RBFOX1: variants seen among roughly 807,000 people sequenced by gnomAD.
RBFOX1 encodes RNA binding protein fox-1 homolog 1.
A neutral mutation model predicts 57.7 loss-of-function variants in RBFOX1; 8 were observed. That is an observed-to-expected ratio of 0.14 (90% CI 0.08 to 0.25). RBFOX1 has a LOEUF of 0.25. RBFOX1 is among the 10% of genes least tolerant of loss of function. The pLI is 1.00. For synonymous variants in RBFOX1, 326 were observed against 222.4 expected (o/e 1.47, Z -4.15); for missense variants, 611 against 548.5 (o/e 1.11, Z -1.14).
intron 1 of RBFOX1, among the ~76,000 whole-genome samples, chr16:5,400,178 G>C (rs977296102): frequency 2.0e-5 from 3 of 151,142 alleles, no homozygotes; most frequent in Admixed American, 6.6e-5. Context: ...TGCAACCTCT[G>C]CCTCCCGGGT....
chr16:6,757,797 G>C (rs2154196214), intron 3 of RBFOX1, among the ~76,000 whole-genome samples: 1 of 152,262 alleles, frequency 6.6e-6, no homozygotes, highest in East Asian at 1.9e-4. Context: ...GAAAAGATTT[G>C]AAATGTCTCC....
intron 3 of RBFOX1, among the ~76,000 whole-genome samples, chr16:6,707,063 A>C (rs951927100): frequency 6.6e-6 from 1 of 152,186 alleles, no homozygotes; most frequent in East Asian, 1.9e-4. Context: ...CACTGTCATC[A>C]TTTTGGTATA....
At chr16:6,168,294 C>T (rs907218567) in intron 1 of RBFOX1, among the ~76,000 whole-genome samples, 3 of 152,140 alleles carry the variant, frequency 2.0e-5, no homozygotes, top group Non-Finnish European at 4.4e-5. Context: ...CCCCAGTGGG[C>T]GATTTTTTGG....
At chr16:7,395,438 C>G (rs189815344) in intron 4 of RBFOX1, among the ~76,000 whole-genome samples, 42 of 152,270 alleles carry the variant, frequency 2.8e-4, no homozygotes, top group African/African-American at 8.9e-4. Context: ...ACTGTGGAGC[C>G]AGAAGTATTG....
At chr16:6,760,600 A>G (rs2076463904) in intron 3 of RBFOX1, among the ~76,000 whole-genome samples, 2 of 152,208 alleles carry the variant, frequency 1.3e-5, no homozygotes, top group Non-Finnish European at 2.9e-5. Flanking sequence ...TTGCGTTGGT[A>G]GACTGACTTG....
chr16:7,565,394 A>C (rs913000288), intron 5 of RBFOX1, among the ~76,000 whole-genome samples: 5 of 152,196 alleles, frequency 3.3e-5, no homozygotes, highest in African/African-American at 9.7e-5. Flanking sequence ...TTACAAATCA[A>C]ATCAAATAGG....
At chr16:7,403,565 C>A in intron 4 of RBFOX1, among the ~76,000 whole-genome samples, 2 of 129,592 alleles carry the variant, frequency 1.5e-5, no homozygotes, top group African/African-American at 2.8e-5. Context: ...GAGAGAATCC[C>A]CCCCCCCCCA....
At chr16:7,394,235 CAAAAAAAA>C (rs59934126) in intron 4 of RBFOX1, among the ~76,000 whole-genome samples, 92 of 55,026 alleles carry the variant, frequency 1.7e-3, no homozygotes, top group South Asian at 1.8e-3. Flanking sequence ...GACTCCGCAT[CAAAAAAAA>C]AAAAAAAAAA....
At chr16:7,701,246 C>G (rs2080597787) in intron 14 of RBFOX1, among the ~76,000 whole-genome samples, 1 of 145,570 alleles carries the variant, frequency 6.9e-6, no homozygotes, top group Non-Finnish European at 1.5e-5. Context: ...GACTTTGCTG[C>G]ATTTTTAGTC....
intron 3 of RBFOX1, among the ~76,000 whole-genome samples, chr16:6,883,681 C>T (rs891184268): frequency 1.3e-5 from 2 of 152,176 alleles, no homozygotes; most frequent in African/African-American, 4.8e-5. Flanking sequence ...TTGCCTCCCA[C>T]ATCCAGGCTG....
intron 1 of RBFOX1, among the ~76,000 whole-genome samples, chr16:5,332,346 C>A (rs2151276623): frequency 6.6e-6 from 1 of 152,246 alleles, no homozygotes; most frequent in Middle Eastern, 3.4e-3. Context: ...CGACTCATTG[C>A]AACCTCTGCT....
chr16:7,087,228 T>C (rs2060126714), intron 4 of RBFOX1, among the ~76,000 whole-genome samples: 1 of 152,068 alleles, frequency 6.6e-6, no homozygotes, highest in Admixed American at 6.6e-5. Flanking sequence ...TTAAAAAAAT[T>C]CTCAGATGCT....
intron 1 of RBFOX1, among the ~76,000 whole-genome samples, chr16:6,276,002 G>C (rs565833402): frequency 1.3e-5 from 2 of 152,256 alleles, no homozygotes; most frequent in South Asian, 2.1e-4. Flanking sequence ...GCAGGTGTTG[G>C]ATTATTATAA....
At chr16:6,649,511 C>G (rs2098559286) in intron 2 of RBFOX1, among the ~76,000 whole-genome samples, 2 of 152,174 alleles carry the variant, frequency 1.3e-5, no homozygotes, top group African/African-American at 4.8e-5. Flanking sequence ...TTATCCCTCA[C>G]CACTCCCCGA....
rs1165644063 is a variant in RBFOX1 at position 6,773,586 on chromosome 16, T to G, written c.-16+118936T>G. 1.1e-3 allele frequency among the ~76,000 whole-genome samples: 92 copies of G among 87,156 alleles called. 1 individual carries two copies. Among genetic ancestry groups the G allele is most frequent in the African/African-American group, 8.1e-3 (89 of 10,960 alleles). 57.2% of individuals were successfully genotyped at this position (87,156 alleles called of 152,430 possible). A position where few individuals can be genotyped will look rare whatever the true frequency, so the allele number is the denominator to read the frequency against. On this transcript the variant is annotated intron_variant, in intron 3 of 15. Transcript: ENST00000550418. ...TGTATGTGTGGGTGTGGGGTGCATT[T>G]GTGTGTGTGTGTGTGTATGTGCATG...
intron 3 of RBFOX1, among the ~76,000 whole-genome samples, chr16:5,706,281 A>C (rs903194724): frequency 6.6e-6 from 1 of 152,106 alleles, no homozygotes; most frequent in Non-Finnish European, 1.5e-5. Context: ...ACAGGTGAGG[A>C]ATTTGGCCAG....
At chr16:6,001,966 A>AG (rs2060607443) in intron 4 of RBFOX1, among the ~76,000 whole-genome samples, 1 of 137,636 alleles carries the variant, frequency 7.3e-6, no homozygotes, top group Non-Finnish European at 1.5e-5. Context: ...TAGCTCTTAA[A>AG]CCTTTTTTTT....
intron 4 of RBFOX1, among the ~76,000 whole-genome samples, chr16:7,234,763 A>G (rs1447661456): frequency 6.6e-6 from 1 of 151,730 alleles, no homozygotes; most frequent in Non-Finnish European, 1.5e-5. Context: ...CGGAGAAGTC[A>G]GAAATGGGTA....
intron 4 of RBFOX1, among the ~76,000 whole-genome samples, chr16:7,091,697 C>G (rs986694993): frequency 6.6e-6 from 1 of 152,166 alleles, no homozygotes; most frequent in Non-Finnish European, 1.5e-5. Context: ...CTTATCTCTG[C>G]TCTTTCACCC....
Sources: gnomAD v4.1 joint callset for allele counts (sites outside exome capture counted in the v4.1 genomes callset) on GRCh38, gnomAD v4.1.1 for gene constraint, MANE v1.5 for transcripts, NCBI Gene and HGNC (gene_info 2026-07-23, HGNC 2026-07-21) for gene names.